The following SSBP2 variants were observed in gnomAD, a reference collection of about 807,000 sequenced individuals.
SSBP2 encodes the protein single-stranded DNA-binding protein 2.
In SSBP2, 17 loss-of-function variants were observed where a neutral mutation model predicts 61.8. The observed-to-expected ratio is 0.28, with a 90% CI of 0.19 to 0.41. The LOEUF is 0.41. Among genes scored for constraint, SSBP2 ranks in the 10% least tolerant of loss-of-function variants. The pLI, the probability that SSBP2 is intolerant of heterozygous loss-of-function variation, is 1.00. For synonymous variants in SSBP2, 139 were observed against 141.3 expected (o/e 0.98, Z 0.12); for missense variants, 310 against 458.7 (o/e 0.68, Z 2.96).
intron 4 of SSBP2, among the ~76,000 whole-genome samples, chr5:81,536,682 C>T (rs1379178821): frequency 2.0e-5 from 3 of 152,148 alleles, no homozygotes; most frequent in East Asian, 1.9e-4. Flanking sequence ...TTCACCTATG[C>T]GCTTAACTCT....
chr5:81,486,569 C>T lies in SSBP2; in HGVS notation c.432+2681G>A, dbSNP rs191145314. On this transcript the variant is annotated intron_variant, in intron 6 of 16. Coordinates refer to ENST00000320672, the MANE Select transcript of SSBP2 (RefSeq NM_012446.5). ...CTTATATAATATACAAAGCTATGGA[C>T]GGAATGTCTAAAAAACCATGAAGCC... Among the ~76,000 whole-genome samples, 465 of 152,104 alleles carry T rather than the reference C, an allele frequency of 3.1e-3. 2 individuals are homozygous for T. Among genetic ancestry groups the T allele is most frequent in the African/African-American group, 0.011 (441 of 41,500 alleles).
At chr5:81,492,587 C>CTT (rs879493829) in intron 5 of SSBP2, among the ~76,000 whole-genome samples, 1 of 144,604 alleles carries the variant, frequency 6.9e-6, no homozygotes, top group Admixed American at 6.9e-5. Context: ...GGGCAACATT[C>CTT]TTTTTTTTTT....
At chr5:81,720,217 T>C (rs1350448194) in intron 1 of SSBP2, among the ~76,000 whole-genome samples, 1 of 152,154 alleles carries the variant, frequency 6.6e-6, no homozygotes, top group African/African-American at 2.4e-5. Flanking sequence ...GCTCCAGAAT[T>C]TCCCTAAATT....
chr5:81,729,699 G>A (rs1024591685), intron 1 of SSBP2, among the ~76,000 whole-genome samples: 16 of 151,716 alleles, frequency 1.1e-4, no homozygotes, highest in African/African-American at 2.4e-4. Flanking sequence ...GAGAAATCTA[G>A]GACAGCATAT....
intron 4 of SSBP2, among the ~76,000 whole-genome samples, chr5:81,610,000 GC>G (rs1745288319): frequency 6.6e-6 from 1 of 152,100 alleles, no homozygotes; most frequent in African/African-American, 2.4e-5. Context: ...ATTCTTCTCT[GC>G]CCTTCTCACC....
chr5:81,667,286 T>TACACACACACACACAC (rs71605804), intron 1 of SSBP2, among the ~76,000 whole-genome samples: 23 of 133,820 alleles, frequency 1.7e-4, no homozygotes, highest in African/African-American at 5.3e-4. Flanking sequence ...GGGATACAGA[T>TACACACACACACACAC]ACACACACAC....
chr5:81,680,685 T>C (rs1049056213), intron 1 of SSBP2, among the ~76,000 whole-genome samples: 1 of 152,140 alleles, frequency 6.6e-6, no homozygotes, highest in African/African-American at 2.4e-5. Context: ...CATTATGTAA[T>C]GGTAAAGGGG....
chr5:81,465,436 G>GA (rs1401751530), intron 9 of SSBP2, among the ~76,000 whole-genome samples: 2 of 151,960 alleles, frequency 1.3e-5, no homozygotes, highest in Admixed American at 6.6e-5. Flanking sequence ...ACAATTGGAA[G>GA]CAGTTATTTT....
chr5:81,590,825 A>G (rs947655583), intron 4 of SSBP2, among the ~76,000 whole-genome samples: 1 of 152,242 alleles, frequency 6.6e-6, no homozygotes, highest in Non-Finnish European at 1.5e-5. Context: ...AAGATCCATT[A>G]CAGCTGTGGG....
intron 6 of SSBP2, among the ~76,000 whole-genome samples, chr5:81,488,755 C>T (rs1405706126): frequency 1.4e-5 from 2 of 144,344 alleles, no homozygotes; most frequent in Non-Finnish European, 3.0e-5. Flanking sequence ...TTCCTGTGTC[C>T]ATGTGTTCTC....
intron 4 of SSBP2, among the ~76,000 whole-genome samples, chr5:81,603,749 C>T (rs746521705): frequency 1.4e-4 from 22 of 152,210 alleles, no homozygotes; most frequent in Middle Eastern, 3.4e-3. Context: ...ATTAGGTTCA[C>T]GTCTTACGAT....
chr5:81,661,581 G>A (rs1281794399), intron 1 of SSBP2, among the ~76,000 whole-genome samples: 4 of 151,266 alleles, frequency 2.6e-5, no homozygotes, highest in Non-Finnish European at 5.9e-5. Context: ...GTTTTAATTT[G>A]CATTTCTCTG....
rs1159553311 is a variant in SSBP2, at chr5:81,561,901, C to T, written c.283-48184G>A. On this transcript the variant is annotated intron_variant, in intron 4 of 16. Coordinates refer to ENST00000320672, the MANE Select transcript of SSBP2 (RefSeq NM_012446.5). ...TAAACATGATTTAAATGTTAAGACC[C>T]TTTTTATTTTACTTTTTTTTGAGAT... Among the ~76,000 whole-genome samples the T allele has an allele frequency of 3.3e-5, 5 of 151,952 alleles. No homozygotes were observed. In the East Asian group the frequency reaches 9.6e-4, roughly 29 times the overall value.
intron 4 of SSBP2, among the ~76,000 whole-genome samples, chr5:81,540,253 T>C (rs1006439310): frequency 6.6e-6 from 1 of 152,232 alleles, no homozygotes; most frequent in Non-Finnish European, 1.5e-5. Flanking sequence ...TTTGGGTATA[T>C]AGCCAGTAAT....
chr5:81,709,381 C>A (rs1431645744), intron 1 of SSBP2, among the ~76,000 whole-genome samples: 2 of 151,924 alleles, frequency 1.3e-5, no homozygotes, highest in Non-Finnish European at 2.9e-5. Flanking sequence ...CCATATTTTA[C>A]CCCTTCCCCT....
intron 1 of SSBP2, among the ~76,000 whole-genome samples, chr5:81,662,272 C>T (rs1750755785): frequency 6.6e-6 from 1 of 152,064 alleles, no homozygotes; most frequent in Admixed American, 6.6e-5. Flanking sequence ...TCAAGACCAG[C>T]CTGACCAAGA....
intron 6 of SSBP2, among the ~76,000 whole-genome samples, chr5:81,487,537 C>T (rs1580809471): frequency 6.6e-6 from 1 of 151,770 alleles, no homozygotes. Context: ...GATATTGAAA[C>T]CATATAATAT....
At chr5:81,682,568 T>A (rs1030467745) in intron 1 of SSBP2, among the ~76,000 whole-genome samples, 10 of 152,138 alleles carry the variant, frequency 6.6e-5, no homozygotes, top group South Asian at 6.2e-4. Flanking sequence ...GATAACATAT[T>A]TAACGGTGAA....
chr5:81,424,618 A>AGG (rs1348659265), intron 16 of SSBP2, among the ~76,000 whole-genome samples: 1 of 152,174 alleles, frequency 6.6e-6, no homozygotes, highest in Non-Finnish European at 1.5e-5. Flanking sequence ...TGAGGCTGTA[A>AGG]AATGCTCATG....
Sources: allele counts gnomAD v4.1 joint callset (sites outside exome capture counted in the v4.1 genomes callset), GRCh38; gene constraint gnomAD v4.1.1; transcripts MANE v1.5; gene names NCBI Gene and HGNC (gene_info 2026-07-23, HGNC 2026-07-21).